CNOT9: variants seen among roughly 807,000 people sequenced by gnomAD.
CNOT9 encodes RCD1 required for cell differentiation1 homolog.
Under a neutral mutation model 37.4 loss-of-function variants are expected in CNOT9, and 8 were observed. The ratio of observed to expected loss-of-function variants is 0.21; its 90% confidence interval spans 0.13 to 0.39. The LOEUF is 0.39. Ranked by LOEUF, CNOT9 falls within the 10% of genes least tolerant of loss-of-function variation. The pLI, the probability that CNOT9 is intolerant of heterozygous loss-of-function variation, is 1.00. For synonymous variants in CNOT9, 120 were observed against 137.6 expected, an observed-to-expected ratio of 0.87 and a Z score of 0.90; for missense variants, 154 against 365.3, an observed-to-expected ratio of 0.42 and a Z score of 4.71.
At position 218,595,093 on chromosome 2, in the gene CNOT9, T is replaced by G. The variant is rs1694893026; in HGVS notation, c.*817T>G. On this transcript the variant is annotated 3_prime_UTR_variant, in exon 8 of 8. Transcript: ENST00000273064. ...TTCCCAAATCTCAGTGCTTTCCCTT[T>G]TTGAACTTCCCTTCTATTAAACTTA... 6.6e-6 allele frequency: 1 copy of G among 152,224 alleles called. No homozygotes were observed. Among genetic ancestry groups the G allele is most frequent in the Non-Finnish European group, 1.5e-5 (1 of 68,048 alleles). 9.4% of individuals were successfully genotyped at this position (152,224 alleles called of 1,614,324 possible).
chr2:218,579,102 T>C (rs1694277937), intron 1 of CNOT9, among the ~76,000 whole-genome samples: 1 of 152,284 alleles, frequency 6.6e-6, no homozygotes, highest in East Asian at 1.9e-4. Flanking sequence ...TGGGAAGGCA[T>C]AATTTTTTTT....
chr2:218,585,574 CA>C (rs35720728), intron 4 of CNOT9, among the ~76,000 whole-genome samples: 9 of 141,092 alleles, frequency 6.4e-5, no homozygotes, highest in Admixed American at 1.4e-4. Flanking sequence ...GAGGGAGACT[CA>C]AAAAAAAAAA....
In CNOT9 at chr2:218,592,591, C is replaced by T. The variant is rs778632479; in HGVS notation, c.640-25C>T. 12 of 1,608,556 alleles carry T rather than the reference C, an allele frequency of 7.5e-6. No homozygotes were observed. In the South Asian group the frequency reaches 1.3e-4, roughly 18 times the overall value. ...TGTGTTTTGTGTGTTTTTTCCAACC[C>T]CTCCCCTTATTTTGGGGGAAACAGG... On this transcript the variant is annotated intron_variant, in intron 6 of 7. Coordinates refer to ENST00000273064, the MANE Select transcript of CNOT9 (RefSeq NM_005444.3). This position sits in a 1 kb window ranked among gnomAD's most constrained non-coding sequence, Gnocchi z 4.1.
intron 3 of CNOT9, among the ~76,000 whole-genome samples, chr2:218,583,868 TA>T (rs1175791702): frequency 6.6e-6 from 1 of 152,218 alleles, no homozygotes; most frequent in African/African-American, 2.4e-5. Flanking sequence ...TATAAAATAA[TA>T]GACTGATTTC....
At chr2:218,570,710 T>A (rs1205705559) in intron 1 of CNOT9, among the ~76,000 whole-genome samples, 1 of 152,236 alleles carries the variant, frequency 6.6e-6, no homozygotes, top group Non-Finnish European at 1.5e-5. Flanking sequence ...GCCACTCTTT[T>A]CCCTGTGCCT....
Position 218,596,178 on chromosome 2 carries a change from A to G in CNOT9, c.*1902A>G, listed in dbSNP as rs536433937. The G allele has an allele frequency of 4.6e-5, 7 of 152,244 alleles. No homozygotes were observed. The highest frequency in any genetic ancestry group is 1.3e-4 in the Admixed American group (2 of 15,278). 9.4% of individuals were successfully genotyped at this position (152,244 alleles called of 1,614,324 possible). ...GGCCCAGGGCCTTGCTCCCTGGGAA[A>G]TTCTCTTCTCTCCATCTTTCGGTGC... is the stretch of plus-strand genomic sequence containing the variant. On this transcript the variant is annotated 3_prime_UTR_variant, in exon 8 of 8. Transcript: ENST00000273064.
Position 218,595,280 on chromosome 2 carries a change from T to G in CNOT9, c.*1004T>G, listed in dbSNP as rs987838854. 1.3e-5 allele frequency: 2 copies of G among 152,112 alleles called. No homozygotes were observed. The highest frequency in any genetic ancestry group is 2.9e-5 in the Non-Finnish European group (2 of 68,038). The allele number at this position is 152,112 out of a possible 1,614,324, so 9.4% of individuals were successfully genotyped here. A position where few individuals can be genotyped will look rare whatever the true frequency, so the allele number is the denominator to read the frequency against. ...TAAGGTGACAGTCCACTTGATCCTTTTCTTTGTTTTAGTGTGAATTTCAGC... is the reference window on the plus strand; with the variant it reads ...TAAGGTGACAGTCCACTTGATCCTTGTCTTTGTTTTAGTGTGAATTTCAGC... On this transcript the variant is annotated 3_prime_UTR_variant, in exon 8 of 8. Transcript: ENST00000273064.
chr2:218,576,786 G>C (rs567437144), intron 1 of CNOT9, among the ~76,000 whole-genome samples: 52 of 152,226 alleles, frequency 3.4e-4, no homozygotes, highest in African/African-American at 1.2e-3. Flanking sequence ...TGGCCAACGT[G>C]GGAAGGTCCC....
intron 1 of CNOT9, among the ~76,000 whole-genome samples, chr2:218,577,005 C>T: frequency 6.6e-6 from 1 of 151,244 alleles, no homozygotes. Context: ...CAGATTTTGT[C>T]TTTCAGGCAG....
chr2:218,587,816 A>G (rs1694641036), intron 5 of CNOT9, 121 bp downstream of exon 5: 1 of 461,234 alleles, frequency 2.2e-6, no homozygotes, highest in Non-Finnish European at 3.6e-6. Context: ...TGTTTTGAAT[A>G]AAAATTATTA....
chr2:218,573,941 A>G, intron 1 of CNOT9: 1 of 355,022 alleles, frequency 2.8e-6, no homozygotes. Context: ...CACTTATTAA[A>G]AGAACAGGAC....
intron 7 of CNOT9, chr2:218,593,603 C>A: frequency 6.8e-7 from 1 of 1,461,060 alleles, no homozygotes; most frequent in Non-Finnish European, 9.1e-7. Flanking sequence ...GATAATACTG[C>A]TACCATAGTT....
chr2:218,584,574 A>C lies in CNOT9; in HGVS notation c.321-38A>C, dbSNP rs749509075. On this transcript the variant is annotated intron_variant, in intron 3 of 7. Transcript: ENST00000273064. The stretch of plus-strand genomic sequence containing the variant: ...TGAAAGTTCAGGATCCTTAGAAATC[A>C]ACCCTGGGCTGTGAATGTAATTATT... The C allele has an allele frequency of 1.5e-5, 22 of 1,448,204 alleles. No individual in the cohort carries two copies. In the African/African-American group the frequency reaches 2.8e-4, roughly 18 times the overall value. The allele number at this position is 1,448,204 out of a possible 1,614,324, so 89.7% of individuals were successfully genotyped here.
rs1427647370 is a variant in CNOT9, at chr2:218,592,129, A to G, written c.541-175A>G. 6.6e-6 allele frequency among the ~76,000 whole-genome samples: 1 copy of G among 152,246 alleles called. No individual in the cohort carries two copies. The highest frequency in any genetic ancestry group is 2.4e-5 in the African/African-American group (1 of 41,464). On this transcript the variant is annotated intron_variant, in intron 5 of 7. Coordinates refer to ENST00000273064, the MANE Select transcript of CNOT9 (RefSeq NM_005444.3). This position sits in a 1 kb window ranked among gnomAD's most constrained non-coding sequence, Gnocchi z 4.1. ...AAACTGGTACAAAGTAATGTTCAAC[A>G]TGGTAATATTTATTATTCTTTGTAC...
intron 3 of CNOT9, among the ~76,000 whole-genome samples, 198 bp downstream of exon 3, chr2:218,583,284 T>C (rs912523202): frequency 2.6e-5 from 3 of 116,396 alleles, no homozygotes. Flanking sequence ...TCTCTCTCTC[T>C]CTCCTGGTCT....
At chr2:218,589,323 G>T (rs1559250067) in intron 5 of CNOT9, 1 of 152,018 alleles carries the variant, frequency 6.6e-6, no homozygotes, top group Non-Finnish European at 1.5e-5. Context: ...GTGAGCACTG[G>T]TTTTTTAATT....
intron 3 of CNOT9, among the ~76,000 whole-genome samples, chr2:218,583,341 G>A (rs1694481767): frequency 6.6e-6 from 1 of 150,950 alleles, no homozygotes; most frequent in African/African-American, 2.4e-5. Context: ...AAGAAACAGT[G>A]TTCACATTAC....
At position 218,594,269 on chromosome 2, in the gene CNOT9, C is replaced by G; in HGVS notation, c.893C>G (p.Pro298Arg). 1 of 1,608,016 alleles carries G rather than the reference C, an allele frequency of 6.2e-7. No individual in the cohort carries two copies. The highest frequency in any genetic ancestry group is 8.5e-7 in the Non-Finnish European group (1 of 1,176,840). The stretch of plus-strand genomic sequence containing the variant: ...GATCCCCGGGGTATCCCCCTGCCCC[C>G]TCAGTGATCCTTCCCTGTTCCCTCC... Reference protein sequence around the residue: ...VTDPRGIPLPPQ With the variant: ...VTDPRGIPLPRQ The change falls in exon 8 of 8, where the codon CCT becomes CGT. Residue 298 changes from proline (P) to arginine (R), a missense_variant. Around this residue, in one of 2 missense-constraint regions of CNOT9, gnomAD observed 117 missense variants for 325.4 expected, o/e 0.36. Transcript: ENST00000273064.
At chr2:218,583,231 GTGTCTCTCTCTCTCTCTCTCTCTCTC>G (rs1344969892) in intron 3 of CNOT9, 145 bp downstream of exon 3, 131 of 35,038 alleles carry the variant, frequency 3.7e-3, no homozygotes, top group East Asian at 0.022. Context: ...GTGTGTGTGT[GTGTCTCTCTCTCTCTCTCTCTCTCTC>G]TCTCTCTCTC....
Sources: allele counts gnomAD v4.1 joint callset (sites outside exome capture counted in the v4.1 genomes callset), GRCh38; gene constraint gnomAD v4.1.1; regional missense constraint gnomAD v4.1.1; non-coding constraint Gnocchi (gnomAD v3.1); transcripts MANE v1.5; gene names NCBI Gene and HGNC (gene_info 2026-07-23, HGNC 2026-07-21).